Variants in WDR93 observed in about 807,000 individuals in gnomAD.
WDR93 encodes the protein WD repeat domain 93.
WDR93 carries 73 observed loss-of-function variants against 82.9 expected under a neutral mutation model. The ratio of observed to expected loss-of-function variants is 0.88; its 90% CI spans 0.73 to 1.07. WDR93 has a LOEUF of 1.07. Among genes scored for constraint, WDR93 ranks in the 50% least tolerant of loss-of-function variants. WDR93 has a pLI of 0.00. For missense variants in WDR93, 738 were observed against 826.0 expected, an observed-to-expected ratio of 0.89 and a Z score of 1.31; for synonymous variants, 283 against 300.1, an observed-to-expected ratio of 0.94 and a Z score of 0.59.
rs1171765395 is a variant in WDR93 at position 89,742,435 on chromosome 15, AG to A, written c.1962-856del. 2.0e-5 allele frequency among the ~76,000 whole-genome samples: 3 copies of A among 152,048 alleles called. No homozygotes were observed. In the East Asian group the frequency reaches 5.8e-4, roughly 29 times the overall value. On this transcript the variant is annotated intron_variant, in intron 16 of 16. Transcript: ENST00000268130. ...TGACAGCCCCCCCTCCACCCTGCTA[AG>A]CGTGCCCGTCTCTGTGTGCACTCTG...
chr15:89,737,248 A>G (rs1445062634), intron 14 of WDR93, among the ~76,000 whole-genome samples: 2 of 152,236 alleles, frequency 1.3e-5, no homozygotes. Flanking sequence ...TTGGGAGCAC[A>G]GGTGAGAAAT....
Position 89,738,239 on chromosome 15 carries a change from A to C in WDR93, c.1961+3A>C. ...TGTGAGCGTTTCCTCCAGAAGAGGTAAAGAGCTCTGTGTCTTCACCCCCTC... is the reference window on the plus strand; with the variant it reads ...TGTGAGCGTTTCCTCCAGAAGAGGTCAAGAGCTCTGTGTCTTCACCCCCTC... On this transcript the variant is annotated splice_donor_region_variant and intron_variant, in intron 16 of 16. Transcript: ENST00000268130. The C allele has an allele frequency of 1.3e-6, 2 of 1,598,750 alleles. No individual in the cohort carries two copies. Among genetic ancestry groups the C allele is most frequent in the South Asian group, 2.3e-5 (2 of 88,876 alleles).
intron 11 of WDR93, among the ~76,000 whole-genome samples, chr15:89,730,705 G>A (rs1033209500): frequency 6.6e-6 from 1 of 152,102 alleles, no homozygotes; most frequent in Non-Finnish European, 1.5e-5. Context: ...AAACCAGTCT[G>A]GGCAACATAG....
intron 14 of WDR93, 72 bp from the exon 15 acceptor site, chr15:89,737,501 G>A (rs1967297835): frequency 1.3e-6 from 2 of 1,581,680 alleles, no homozygotes; most frequent in African/African-American, 2.7e-5. Context: ...TTACTGGGGT[G>A]ACCTCTACAC....
intron 12 of WDR93, 73 bp from the exon 13 acceptor site, chr15:89,732,933 G>A: frequency 2.1e-6 from 3 of 1,410,696 alleles, no homozygotes; most frequent in African/African-American, 1.4e-5. Flanking sequence ...ACACTTGCTG[G>A]TCACAGCCCC....
intron 14 of WDR93, among the ~76,000 whole-genome samples, chr15:89,736,665 G>A (rs1299461382): frequency 1.3e-5 from 2 of 152,154 alleles, no homozygotes; most frequent in Non-Finnish European, 2.9e-5. Context: ...GAACATGGTG[G>A]AGACGAGTGG....
In WDR93 at chr15:89,731,647, G is replaced by A. The variant is rs1387398432; in HGVS notation, c.1330+85G>A. On this transcript the variant is annotated intron_variant, in intron 12 of 16. Coordinates refer to ENST00000268130, the MANE Select transcript of WDR93 (RefSeq NM_020212.2). ...GAGCTCTGGAATTCCCACAGGCCCT[G>A]GGCCTTCTGTTACCTCTGTGTTCTT... 5.7e-6 allele frequency: 9 copies of A among 1,576,980 alleles called. No homozygotes were observed. In the South Asian group the frequency reaches 8.0e-5, roughly 14 times the overall value.
At chr15:89,733,538 G>T (rs1476211140) in intron 13 of WDR93, among the ~76,000 whole-genome samples, 14 of 152,150 alleles carry the variant, frequency 9.2e-5, no homozygotes, top group Admixed American at 9.2e-4. Context: ...CTTCCCACAT[G>T]AATGGATTAA....
chr15:89,722,311 G>GT (rs985794464), intron 8 of WDR93, among the ~76,000 whole-genome samples, 172 bp downstream of exon 8: 7 of 152,160 alleles, frequency 4.6e-5, no homozygotes, highest in African/African-American at 1.7e-4. Flanking sequence ...AACAAAAAAT[G>GT]TAAGTAATGC....
At chr15:89,712,853 G>A (rs898990489) in intron 5 of WDR93, among the ~76,000 whole-genome samples, 7 of 152,082 alleles carry the variant, frequency 4.6e-5, no homozygotes, top group African/African-American at 1.7e-4. Context: ...GGCCAGGCGC[G>A]GTGGCTCACG....
At chr15:89,740,731 A>C (rs1487527357) in intron 16 of WDR93, among the ~76,000 whole-genome samples, 1 of 152,056 alleles carries the variant, frequency 6.6e-6, no homozygotes, top group African/African-American at 2.4e-5. Flanking sequence ...CGAACTACTG[A>C]CCTCAGATTA....
At chr15:89,729,564 AC>A in intron 10 of WDR93, 118 bp from the exon 11 acceptor site, 1 of 741,166 alleles carries the variant, frequency 1.3e-6, no homozygotes, top group Non-Finnish European at 2.3e-6. Flanking sequence ...ATTAAAACAA[AC>A]CACTTCAGAC....
chr15:89,736,060 T>C (rs564561803), intron 14 of WDR93, among the ~76,000 whole-genome samples: 279 of 152,304 alleles, frequency 1.8e-3, no homozygotes, highest in African/African-American at 6.5e-3. Context: ...TGGAAGGTCC[T>C]GTACACTGCG....
At chr15:89,705,976 T>TCCTTGTCTCCCTGCCG (rs1965708369) in intron 4 of WDR93, among the ~76,000 whole-genome samples, 1 of 152,306 alleles carries the variant, frequency 6.6e-6, no homozygotes, top group Admixed American at 6.5e-5. Context: ...TCAAATGCTC[T>TCCTTGTCTCCCTGCCG]CCTTGTCTCC....
chr15:89,705,939 T>C (rs1174006173), intron 4 of WDR93, among the ~76,000 whole-genome samples: 2 of 152,160 alleles, frequency 1.3e-5, no homozygotes, highest in South Asian at 2.1e-4. Context: ...ACATTCCCCT[T>C]CCCTTGCCCA....
chr15:89,732,078 G>A (rs1966865751), intron 12 of WDR93, among the ~76,000 whole-genome samples: 1 of 152,174 alleles, frequency 6.6e-6, no homozygotes, highest in African/African-American at 2.4e-5. Flanking sequence ...AGGGTCCTGG[G>A]TCCAGCTTTG....
Position 89,710,998 on chromosome 15 carries a change from G to A in WDR93, c.562-1028G>A, listed in dbSNP as rs1330290161. ...CTTTTGTTGCCTATTACAAAGAATG[G>A]TCTAGGCAATAACCACCAATGGCTG... On this transcript the variant is annotated intron_variant, in intron 4 of 16. Transcript: ENST00000268130. Among the ~76,000 whole-genome samples, 6 of 152,182 alleles carry A rather than the reference G, an allele frequency of 3.9e-5. No homozygotes were observed. In the East Asian group the frequency reaches 1.2e-3, roughly 29 times the overall value.
intron 13 of WDR93, among the ~76,000 whole-genome samples, chr15:89,733,915 C>G (rs931697314): frequency 3.9e-5 from 6 of 152,298 alleles, no homozygotes; most frequent in Admixed American, 6.5e-5. Context: ...CCACAGTAAA[C>G]TTCCATCAGT....
intron 1 of WDR93, among the ~76,000 whole-genome samples, chr15:89,698,130 C>T (rs892792347): frequency 2.0e-5 from 3 of 151,924 alleles, no homozygotes; most frequent in South Asian, 2.1e-4. Flanking sequence ...GTGATCCGCC[C>T]GTCTCAGCCT....
Sources: allele counts gnomAD v4.1 joint callset (sites outside exome capture counted in the v4.1 genomes callset), GRCh38; gene constraint gnomAD v4.1.1; transcripts MANE v1.5; gene names NCBI Gene and HGNC (gene_info 2026-07-23, HGNC 2026-07-21).